Variants in DZIP3 observed in about 807,000 individuals in gnomAD.
The protein encoded by DZIP3 is E3 ubiquitin-protein ligase DZIP3.
In DZIP3, 118 loss-of-function variants were observed where a neutral mutation model predicts 162.0. The ratio of observed to expected loss-of-function variants is 0.73; its 90% CI spans 0.63 to 0.85. The LOEUF (loss-of-function observed/expected upper bound fraction) is 0.85, where lower values mean the gene tolerates loss of function less well. Among genes scored for constraint, DZIP3 ranks in the 40% least tolerant of loss-of-function variants. The pLI is 0.00. For synonymous variants in DZIP3, 438 were observed against 458.6 expected (o/e 0.96, Z 0.57); for missense variants, 1,331 against 1,407.0 (o/e 0.95, Z 0.86).
chr3:108,639,170 T>A (rs1167505255), intron 12 of DZIP3, among the ~76,000 whole-genome samples: 2 of 152,238 alleles, frequency 1.3e-5, no homozygotes, highest in Non-Finnish European at 2.9e-5. Flanking sequence ...ATCAAAACAT[T>A]TACTAACGTT....
intron 19 of DZIP3, among the ~76,000 whole-genome samples, chr3:108,657,878 C>A (rs1257139844): frequency 2.0e-5 from 3 of 152,010 alleles, no homozygotes; most frequent in African/African-American, 7.3e-5. Flanking sequence ...CAACAAAGAT[C>A]AAAAGAGACA....
chr3:108,624,165 T>C (rs1419500136), intron 5 of DZIP3, among the ~76,000 whole-genome samples: 1 of 152,220 alleles, frequency 6.6e-6, no homozygotes, highest in Non-Finnish European at 1.5e-5. Context: ...TTGGTGACGA[T>C]TGTTGGAGCT....
At chr3:108,670,917 G>A (rs1055503414) in intron 22 of DZIP3, among the ~76,000 whole-genome samples, 36 of 151,728 alleles carry the variant, frequency 2.4e-4, no homozygotes, top group Non-Finnish European at 2.9e-4. Flanking sequence ...TTATTGGCCA[G>A]TTATTTATCT....
chr3:108,671,108 A>G (rs1028244273), intron 22 of DZIP3, among the ~76,000 whole-genome samples: 25 of 151,904 alleles, frequency 1.6e-4, no homozygotes, highest in Admixed American at 1.5e-3. Flanking sequence ...TTAAAGCACA[A>G]AACTTAATTT....
intron 19 of DZIP3, 38 bp from the exon 20 acceptor site, chr3:108,661,839 G>T (rs1341578158): frequency 3.9e-6 from 6 of 1,533,524 alleles, no homozygotes; most frequent in African/African-American, 2.8e-5. Flanking sequence ...ATTTTTTTTT[G>T]AGGAAAATAA....
intron 1 of DZIP3, among the ~76,000 whole-genome samples, chr3:108,600,855 T>C (rs1233293696): frequency 6.6e-6 from 1 of 152,160 alleles, no homozygotes; most frequent in African/African-American, 2.4e-5. Flanking sequence ...AAGAGCACTG[T>C]AATCACTCTG....
chr3:108,651,988 C>A (rs1208461348), intron 18 of DZIP3, among the ~76,000 whole-genome samples: 3 of 151,794 alleles, frequency 2.0e-5, no homozygotes, highest in Non-Finnish European at 4.4e-5. Flanking sequence ...AATAGTTCAT[C>A]ATTTAAGTTG....
chr3:108,615,019 T>A (rs1209104634), intron 4 of DZIP3, among the ~76,000 whole-genome samples: 1 of 152,160 alleles, frequency 6.6e-6, no homozygotes. Context: ...ATGAAAAGAA[T>A]GGGCTGTTTA....
chr3:108,609,966 T>C (rs1940605765), intron 3 of DZIP3, among the ~76,000 whole-genome samples: 1 of 152,226 alleles, frequency 6.6e-6, no homozygotes, highest in Non-Finnish European at 1.5e-5. Context: ...ACCTTTAGTT[T>C]GAATTATATG....
intron 26 of DZIP3, among the ~76,000 whole-genome samples, chr3:108,683,610 C>T (rs555894496): frequency 6.6e-6 from 1 of 152,116 alleles, no homozygotes. Context: ...TTCCATAACC[C>T]CCTGGGAAGT....
At chr3:108,679,932 A>G (rs999718033) in intron 26 of DZIP3, among the ~76,000 whole-genome samples, 2 of 152,064 alleles carry the variant, frequency 1.3e-5, no homozygotes, top group African/African-American at 2.4e-5. Flanking sequence ...TAGCTTGGCT[A>G]TTTAATCCTC....
At chr3:108,618,859 G>A (rs528569306) in intron 5 of DZIP3, among the ~76,000 whole-genome samples, 2 of 151,846 alleles carry the variant, frequency 1.3e-5, no homozygotes, top group African/African-American at 4.8e-5. Context: ...TCAGGAGTTC[G>A]AGACCAGCCT....
upstream of DZIP3, chr3:108,589,559 C>A: frequency 2.0e-6 from 1 of 496,376 alleles, no homozygotes; most frequent in Non-Finnish European, 3.6e-6. Context: ...CGGGGTGGGC[C>A]AGGGGTCGAG....
intron 16 of DZIP3, 112 bp downstream of exon 16, chr3:108,648,224 G>T: frequency 9.8e-7 from 1 of 1,025,372 alleles, no homozygotes; most frequent in East Asian, 2.8e-5. Flanking sequence ...TTTTCATAGT[G>T]TTTATACAGA....
intron 21 of DZIP3, among the ~76,000 whole-genome samples, chr3:108,668,967 G>T (rs951343389): frequency 3.3e-5 from 5 of 151,958 alleles, no homozygotes; most frequent in African/African-American, 7.2e-5. Flanking sequence ...GTAAAAGCTT[G>T]CTTGTGAAAA....
chr3:108,649,828 C>T (rs1942786030), intron 17 of DZIP3, among the ~76,000 whole-genome samples: 1 of 151,660 alleles, frequency 6.6e-6, no homozygotes, highest in Non-Finnish European at 1.5e-5. Flanking sequence ...ATATCACTAT[C>T]ATTGTTATAT....
intron 3 of DZIP3, among the ~76,000 whole-genome samples, chr3:108,608,915 C>G (rs1940539632): frequency 6.6e-6 from 1 of 152,094 alleles, no homozygotes; most frequent in Non-Finnish European, 1.5e-5. Flanking sequence ...GTTTCTTAGG[C>G]TGGACAGGAG....
At chr3:108,666,352 A>G (rs1303029946) in intron 21 of DZIP3, among the ~76,000 whole-genome samples, 1 of 152,148 alleles carries the variant, frequency 6.6e-6, no homozygotes, top group Admixed American at 6.5e-5. Context: ...ATCCACAAGA[A>G]CCTCAAGGTA....
chr3:108,624,149 C>G (rs1941488603), intron 5 of DZIP3, among the ~76,000 whole-genome samples: 1 of 152,108 alleles, frequency 6.6e-6, no homozygotes, highest in Non-Finnish European at 1.5e-5. Flanking sequence ...GTGTGGTGTT[C>G]CTGTGTTGGT....
Sources: gnomAD v4.1 joint callset for allele counts (sites outside exome capture counted in the v4.1 genomes callset) on GRCh38, gnomAD v4.1.1 for gene constraint, MANE v1.5 for transcripts, NCBI Gene and HGNC (gene_info 2026-07-23, HGNC 2026-07-21) for gene names.